NDUFAF2: variants seen among roughly 807,000 people sequenced by gnomAD.
NDUFAF2 encodes NADH dehydrogenase [ubiquinone] 1 alpha subcomplex assembly factor 2.
In NDUFAF2, 13 loss-of-function variants were observed where a neutral mutation model predicts 22.8. The ratio of observed to expected loss-of-function variants is 0.57; its 90% CI spans 0.37 to 0.91. The LOEUF (loss-of-function observed/expected upper bound fraction) is 0.91. Ranked by LOEUF, NDUFAF2 falls within the 40% of genes least tolerant of loss-of-function variation. NDUFAF2 has a pLI of 0.01. For synonymous variants in NDUFAF2, 53 were observed against 64.2 expected (o/e 0.83, Z 0.84); for missense variants, 162 against 195.2 (o/e 0.83, Z 1.01).
chr5:61,050,235 G>T (rs553897535), intron 1 of NDUFAF2: 1 of 152,112 alleles, frequency 6.6e-6, no homozygotes, highest in Admixed American at 6.5e-5. Context: ...GACAACACTT[G>T]TTATTTTGTT....
chr5:61,058,436 G>A (rs1254930054), intron 1 of NDUFAF2, among the ~76,000 whole-genome samples: 1 of 151,806 alleles, frequency 6.6e-6, no homozygotes, highest in African/African-American at 2.4e-5. Flanking sequence ...TATATCAAGG[G>A]TGTACCAGAT....
Position 61,044,292 on chromosome 5 carries a change from C to T in NDUFAF2, c.128-28833C>T, listed in dbSNP as rs1751920100. 2.6e-5 allele frequency among the ~76,000 whole-genome samples: 4 copies of T among 151,606 alleles called. No homozygotes were observed. The South Asian group carries it at 8.3e-4, about 32-fold the overall frequency. ...GGGTTTTCAGGTATTTTCTCCCATT[C>T]TCTAGGTTGTATCTTCACTCTGTTT... On this transcript the variant is annotated intron_variant, in intron 1 of 3. Transcript: ENST00000296597.
At chr5:61,016,006 T>C (rs1751504191) in intron 1 of NDUFAF2, among the ~76,000 whole-genome samples, 1 of 152,002 alleles carries the variant, frequency 6.6e-6, no homozygotes, top group African/African-American at 2.4e-5. Flanking sequence ...GCCAACATGG[T>C]GAAACCCTGT....
chr5:61,046,265 G>A (rs1751953502), intron 1 of NDUFAF2, among the ~76,000 whole-genome samples: 1 of 152,056 alleles, frequency 6.6e-6, no homozygotes, highest in African/African-American at 2.4e-5. Flanking sequence ...GAATTGGCCT[G>A]TGTTTTCTTT....
At chr5:61,069,471 C>G (rs1292422058) in intron 1 of NDUFAF2, among the ~76,000 whole-genome samples, 2 of 152,034 alleles carry the variant, frequency 1.3e-5, no homozygotes, top group African/African-American at 4.8e-5. Context: ...GCAAAAAACA[C>G]AACTAGCACA....
chr5:61,090,592 C>T (rs1307840007), intron 2 of NDUFAF2, among the ~76,000 whole-genome samples: 1 of 151,812 alleles, frequency 6.6e-6, no homozygotes. Context: ...ATTGCTGAAA[C>T]CTTTTATAGA....
At chr5:60,950,345 C>T (rs768149714) in intron 1 of NDUFAF2, among the ~76,000 whole-genome samples, 2 of 152,010 alleles carry the variant, frequency 1.3e-5, no homozygotes, top group Non-Finnish European at 2.9e-5. Context: ...TGCCACTATG[C>T]CTGGCTAATT....
chr5:61,109,840 C>T (rs979296141), intron 3 of NDUFAF2, among the ~76,000 whole-genome samples: 1 of 152,094 alleles, frequency 6.6e-6, no homozygotes, highest in Non-Finnish European at 1.5e-5. Flanking sequence ...CCCAGCCGTG[C>T]AGAACTGTGA....
chr5:60,984,064 CTT>C (rs1382701547), intron 1 of NDUFAF2, among the ~76,000 whole-genome samples: 1 of 152,178 alleles, frequency 6.6e-6, no homozygotes, highest in Non-Finnish European at 1.5e-5. Flanking sequence ...TTTGTATCCT[CTT>C]TTATTTCATT....
intron 1 of NDUFAF2, among the ~76,000 whole-genome samples, chr5:61,070,635 A>G (rs550244243): frequency 6.6e-6 from 1 of 151,224 alleles, no homozygotes; most frequent in African/African-American, 2.4e-5. Flanking sequence ...ACACGCACTC[A>G]CATACACACA....
intron 3 of NDUFAF2, among the ~76,000 whole-genome samples, chr5:61,123,666 T>G (rs1316404967): frequency 1.3e-5 from 2 of 152,176 alleles, no homozygotes; most frequent in Non-Finnish European, 2.9e-5. Context: ...ACTTGTAAAA[T>G]GTAAGTACAT....
chr5:61,117,726 A>G lies in NDUFAF2; in HGVS notation c.258+18694A>G, dbSNP rs987358773. 4.6e-5 allele frequency among the ~76,000 whole-genome samples: 7 copies of G among 152,300 alleles called. No individual in the cohort carries two copies. In the East Asian group the frequency reaches 7.7e-4, roughly 17 times the overall value. ...AAGCACATATACAATGATATGGATG[A>G]GCAGTGGCAATTTTTTTCGGCAGGG... is the stretch of plus-strand genomic sequence containing the variant. On this transcript the variant is annotated intron_variant, in intron 3 of 3. Coordinates refer to ENST00000296597, the MANE Select transcript of NDUFAF2 (RefSeq NM_174889.5).
intron 3 of NDUFAF2, among the ~76,000 whole-genome samples, chr5:61,099,524 C>T (rs1377289013): frequency 4.0e-5 from 6 of 151,046 alleles, no homozygotes; most frequent in Non-Finnish European, 7.4e-5. Flanking sequence ...TATTTTATAA[C>T]AGTAATTATT....
rs567730363 is a variant in NDUFAF2, at chr5:60,961,367, G to A, written c.127+15985G>A. Among the ~76,000 whole-genome samples, 206 of 152,092 alleles carry A rather than the reference G, an allele frequency of 1.4e-3. 1 individual carries two copies. Among genetic ancestry groups the A allele is most frequent in the Non-Finnish European group, 2.1e-3 (141 of 67,976 alleles). On this transcript the variant is annotated intron_variant, in intron 1 of 3. Coordinates refer to ENST00000296597, the MANE Select transcript of NDUFAF2 (RefSeq NM_174889.5). The stretch of plus-strand genomic sequence containing the variant: ...TCCCAGCACTTTGGGAGGCCAAGGC[G>A]GGTGGGTCACGAGGTCAGGAGATCG...
chr5:60,946,832 T>C (rs1296717087), intron 1 of NDUFAF2, among the ~76,000 whole-genome samples: 1 of 152,216 alleles, frequency 6.6e-6, no homozygotes, highest in Non-Finnish European at 1.5e-5. Flanking sequence ...ACTACTGATG[T>C]GTTTTATGGG....
chr5:60,945,555 C>T (rs1263430966), intron 1 of NDUFAF2, 173 bp downstream of exon 1: 1 of 985,000 alleles, frequency 1.0e-6, no homozygotes, highest in African/African-American at 1.6e-5. Flanking sequence ...GGCATCGGAG[C>T]CCTACCCGGC....
intron 1 of NDUFAF2, among the ~76,000 whole-genome samples, chr5:60,985,849 G>C (rs938633511): frequency 2.6e-5 from 4 of 152,088 alleles, no homozygotes; most frequent in African/African-American, 9.7e-5. Flanking sequence ...CACCACATGT[G>C]GGAATTGTGG....
At chr5:61,063,937 A>T (rs1332431578) in intron 1 of NDUFAF2, among the ~76,000 whole-genome samples, 1 of 152,170 alleles carries the variant, frequency 6.6e-6, no homozygotes, top group East Asian at 1.9e-4. Flanking sequence ...ATCAAAAGTG[A>T]TAGAATGGTT....
chr5:61,091,724 T>C (rs1752570652), intron 2 of NDUFAF2, among the ~76,000 whole-genome samples: 1 of 152,190 alleles, frequency 6.6e-6, no homozygotes, highest in Non-Finnish European at 1.5e-5. Flanking sequence ...GCAACAAAAT[T>C]GCAAATTTTG....
Sources: allele counts gnomAD v4.1 joint callset (sites outside exome capture counted in the v4.1 genomes callset), GRCh38; gene constraint gnomAD v4.1.1; transcripts MANE v1.5; gene names NCBI Gene and HGNC (gene_info 2026-07-23, HGNC 2026-07-21).